Variants in CDH12 observed in about 807,000 individuals in gnomAD.
The protein encoded by CDH12 is cadherin-12.
A neutral mutation model predicts 74.1 loss-of-function variants in CDH12; 41 were observed. That is an observed-to-expected ratio of 0.55 (90% CI 0.43 to 0.72). CDH12 has a LOEUF of 0.72. Ranked by LOEUF, CDH12 falls within the 30% of genes least tolerant of loss-of-function variation. CDH12 has a pLI of 0.00. For missense variants in CDH12, 945 were observed against 977.2 expected, an observed-to-expected ratio of 0.97 and a Z score of 0.44; for synonymous variants, 399 against 355.0, an observed-to-expected ratio of 1.12 and a Z score of -1.39.
chr5:22,620,622 G>T (rs1274137559), intron 1 of CDH12, among the ~76,000 whole-genome samples: 4 of 151,964 alleles, frequency 2.6e-5, no homozygotes, highest in South Asian at 4.2e-4. Flanking sequence ...CTATTTTAGG[G>T]TTCATTATTC....
At chr5:21,958,858 A>G (rs1756217929) in intron 6 of CDH12, among the ~76,000 whole-genome samples, 1 of 152,352 alleles carries the variant, frequency 6.6e-6, no homozygotes, top group African/African-American at 2.4e-5. Context: ...TAGAAATAGC[A>G]TTTAATCTGT....
intron 1 of CDH12, among the ~76,000 whole-genome samples, chr5:22,583,815 G>A (rs1740229821): frequency 6.6e-6 from 1 of 152,058 alleles, no homozygotes; most frequent in African/African-American, 2.4e-5. Context: ...AGATAATATA[G>A]TGTCTTCATT....
chr5:21,854,810 C>T lies in CDH12; in HGVS notation c.527-20G>A. 1 of 1,600,188 alleles carries T rather than the reference C, an allele frequency of 6.2e-7. No individual in the cohort carries two copies. The highest frequency in any genetic ancestry group is 1.1e-5 in the South Asian group (1 of 89,098). On this transcript the variant is annotated intron_variant, in intron 6 of 14. Coordinates refer to ENST00000382254, the MANE Select transcript of CDH12 (RefSeq NM_004061.5). ...ATGCACCTGGAAAATAAGACAATAT[C>T]ACTCTAGCATTTTTGTTTTACTACT...
intron 6 of CDH12, among the ~76,000 whole-genome samples, chr5:21,918,759 A>G (rs987910042): frequency 2.0e-5 from 3 of 152,192 alleles, no homozygotes; most frequent in African/African-American, 7.2e-5. Context: ...TTGGGCAGGA[A>G]CACAGAATGA....
chr5:21,942,436 T>C (rs1160070247), intron 6 of CDH12, among the ~76,000 whole-genome samples: 1 of 150,836 alleles, frequency 6.6e-6, no homozygotes, highest in East Asian at 1.9e-4. Context: ...AATCTAAATC[T>C]AGATTTTCTC....
At chr5:22,244,735 G>C (rs1752872290) in intron 3 of CDH12, among the ~76,000 whole-genome samples, 1 of 112,280 alleles carries the variant, frequency 8.9e-6, no homozygotes, top group Admixed American at 1.1e-4. Flanking sequence ...GAAAAAGAAA[G>C]AAAGAAAAGA....
chr5:22,421,999 T>C (rs1445117358), intron 2 of CDH12, among the ~76,000 whole-genome samples: 1 of 152,234 alleles, frequency 6.6e-6, no homozygotes, highest in African/African-American at 2.4e-5. Context: ...TTGAGAAGTG[T>C]CTGTTTACAT....
At chr5:22,804,610 G>T (rs542883621) in intron 1 of CDH12, among the ~76,000 whole-genome samples, 10 of 152,206 alleles carry the variant, frequency 6.6e-5, no homozygotes, top group African/African-American at 2.4e-4. Context: ...ACCCATTTTT[G>T]CTCTTAAAGC....
chr5:21,798,119 C>G (rs10042548), intron 10 of CDH12, among the ~76,000 whole-genome samples: 5,408 of 152,000 alleles, frequency 0.036, 280 homozygotes, highest in African/African-American at 0.12. Context: ...TTCTACTTTT[C>G]TAATTATCAA....
chr5:21,926,891 AG>A (rs1271572189), intron 6 of CDH12, among the ~76,000 whole-genome samples: 1 of 152,154 alleles, frequency 6.6e-6, no homozygotes, highest in Non-Finnish European at 1.5e-5. Context: ...GTAGGATATT[AG>A]TTGAGAGAAA....
chr5:22,095,318 C>T (rs1439289124), intron 4 of CDH12, among the ~76,000 whole-genome samples: 5 of 152,188 alleles, frequency 3.3e-5, no homozygotes, highest in Non-Finnish European at 2.9e-5. Context: ...AATTTCAATT[C>T]CTTTCATTTT....
At chr5:22,097,996 T>G (rs1743896077) in intron 4 of CDH12, among the ~76,000 whole-genome samples, 1 of 152,192 alleles carries the variant, frequency 6.6e-6, no homozygotes, top group Non-Finnish European at 1.5e-5. Context: ...TCAACCAAAT[T>G]GTTTTGCCTA....
At chr5:21,859,976 G>A (rs925884155) in intron 6 of CDH12, among the ~76,000 whole-genome samples, 7 of 151,766 alleles carry the variant, frequency 4.6e-5, no homozygotes, top group East Asian at 2.0e-4. Flanking sequence ...CAATTGGCCC[G>A]GACTCTTCAG....
chr5:22,724,105 T>C (rs1315958894), intron 1 of CDH12, among the ~76,000 whole-genome samples: 1 of 151,850 alleles, frequency 6.6e-6, no homozygotes, highest in Non-Finnish European at 1.5e-5. Context: ...ACCCTGGAAT[T>C]GGGGTTGGAA....
chr5:21,846,662 C>T (rs1750187289), intron 7 of CDH12, among the ~76,000 whole-genome samples: 1 of 151,600 alleles, frequency 6.6e-6, no homozygotes, highest in Non-Finnish European at 1.5e-5. Flanking sequence ...CTACATATGC[C>T]CTGAAGAATC....
intron 5 of CDH12, among the ~76,000 whole-genome samples, chr5:22,075,569 TAAG>T (rs1742259739): frequency 6.6e-6 from 1 of 152,126 alleles, no homozygotes; most frequent in Admixed American, 6.6e-5. Context: ...TCCTTTATTG[TAAG>T]AATATAGTCT....
chr5:21,882,025 C>G (rs1358536565), intron 6 of CDH12, among the ~76,000 whole-genome samples: 1 of 152,116 alleles, frequency 6.6e-6, no homozygotes, highest in African/African-American at 2.4e-5. Context: ...AAGCGTTTTA[C>G]TAAAATGAAA....
At chr5:22,760,408 C>T (rs563063287) in intron 1 of CDH12, among the ~76,000 whole-genome samples, 22 of 152,132 alleles carry the variant, frequency 1.4e-4, no homozygotes, top group African/African-American at 3.4e-4. Flanking sequence ...GGGCCGGGCG[C>T]GGTGGCTCCC....
intron 10 of CDH12, among the ~76,000 whole-genome samples, chr5:21,794,984 A>G (rs1479077792): frequency 6.6e-6 from 1 of 151,680 alleles, no homozygotes; most frequent in Non-Finnish European, 1.5e-5. Flanking sequence ...AAATATTCAT[A>G]TAGGTATTGG....
Sources: gnomAD v4.1 joint callset for allele counts (sites outside exome capture counted in the v4.1 genomes callset) on GRCh38, gnomAD v4.1.1 for gene constraint, MANE v1.5 for transcripts, NCBI Gene and HGNC (gene_info 2026-07-23, HGNC 2026-07-21) for gene names.